The following ZMAT4 variants were observed in gnomAD, a reference collection of about 807,000 sequenced individuals.
The protein encoded by ZMAT4 is zinc finger matrin-type 4, also known as zinc finger matrin-type protein 4.
A neutral mutation model predicts 28.7 loss-of-function variants in ZMAT4; 17 were observed. That is an observed-to-expected ratio of 0.59 (90% confidence interval 0.41 to 0.89). The LOEUF is 0.89. Among genes scored for constraint, ZMAT4 ranks in the 40% least tolerant of loss-of-function variants. The probability of loss-of-function intolerance (pLI) is 0.00; values close to 1 mark genes in which losing one functional copy is unlikely to be tolerated. For missense variants in ZMAT4, 240 were observed against 283.8 expected (o/e 0.85, Z 1.11); for synonymous variants, 117 against 109.2 (o/e 1.07, Z -0.44).
At chr8:40,883,248 C>T (rs752798889) in intron 1 of ZMAT4, among the ~76,000 whole-genome samples, 23 of 152,318 alleles carry the variant, frequency 1.5e-4, no homozygotes, top group Non-Finnish European at 2.1e-4. Flanking sequence ...TGACCTTGGA[C>T]GGTTCTCTTT....
intron 5 of ZMAT4, among the ~76,000 whole-genome samples, chr8:40,597,417 G>A (rs1805142344): frequency 1.3e-5 from 2 of 152,144 alleles, no homozygotes; most frequent in South Asian, 4.1e-4. Flanking sequence ...GGAAAATTGG[G>A]CCTGGGCTTG....
At chr8:40,862,474 G>A (rs1334298367) in intron 1 of ZMAT4, among the ~76,000 whole-genome samples, 5 of 144,220 alleles carry the variant, frequency 3.5e-5, no homozygotes, top group East Asian at 2.2e-4. Context: ...AATGCTAGAC[G>A]ACACGTTAGT....
At chr8:40,856,817 G>A (rs1043857937) in intron 1 of ZMAT4, among the ~76,000 whole-genome samples, 3 of 152,134 alleles carry the variant, frequency 2.0e-5, no homozygotes, top group African/African-American at 4.8e-5. Flanking sequence ...GGGAGATCTG[G>A]TCAGTAGGTG....
At chr8:40,607,223 C>G (rs1307297493) in intron 5 of ZMAT4, among the ~76,000 whole-genome samples, 1 of 146,560 alleles carries the variant, frequency 6.8e-6, no homozygotes, top group Non-Finnish European at 1.5e-5. Context: ...CTCCTGGGTT[C>G]ACGCCATTCT....
Position 40,743,784 on chromosome 8 carries a change from C to T in ZMAT4, c.192+23857G>A, listed in dbSNP as rs34386707. ...GGACTGGGGCACGGGGAAGGAGCGG[C>T]CGATTCTGGAGCCACAGATCATGGT... On this transcript the variant is annotated intron_variant, in intron 3 of 6. Coordinates refer to ENST00000297737, the MANE Select transcript of ZMAT4 (RefSeq NM_024645.3). 9.5e-3 allele frequency among the ~76,000 whole-genome samples: 1,448 copies of T among 152,122 alleles called. 12 individuals carry two copies. The highest frequency in any genetic ancestry group is 0.016 in the Admixed American group (252 of 15,286).
At chr8:40,862,738 G>A (rs1250906310) in intron 1 of ZMAT4, among the ~76,000 whole-genome samples, 25 of 151,124 alleles carry the variant, frequency 1.7e-4, no homozygotes, top group African/African-American at 4.4e-4. Flanking sequence ...ACCAAACACC[G>A]CATGTTCTCA....
At chr8:40,542,282 G>A (rs1279617787) in intron 6 of ZMAT4, among the ~76,000 whole-genome samples, 1 of 152,230 alleles carries the variant, frequency 6.6e-6, no homozygotes, top group Non-Finnish European at 1.5e-5. Flanking sequence ...CTGTACTCAT[G>A]TGTGGGCCAC....
intron 1 of ZMAT4, among the ~76,000 whole-genome samples, chr8:40,847,162 C>A (rs1486844207): frequency 1.3e-5 from 2 of 150,026 alleles, no homozygotes; most frequent in Non-Finnish European, 1.5e-5. Context: ...CAAGATTGTG[C>A]CACTGCACTC....
chr8:40,777,727 A>G lies in ZMAT4; in HGVS notation c.103-9997T>C, dbSNP rs149009279. 4.6e-5 allele frequency among the ~76,000 whole-genome samples: 7 copies of G among 152,314 alleles called. No homozygotes were observed. The East Asian group carries it at 1.4e-3, about 29-fold the overall frequency. On this transcript the variant is annotated intron_variant, in intron 2 of 6. Coordinates refer to ENST00000297737, the MANE Select transcript of ZMAT4 (RefSeq NM_024645.3). ...TTTAGTCTGTGGGAAAAAACAACGG[A>G]CAAGTGTCCCCACCCTTATGTGAAT...
At chr8:40,617,989 C>T (rs1806070751) in intron 5 of ZMAT4, among the ~76,000 whole-genome samples, 1 of 152,142 alleles carries the variant, frequency 6.6e-6, no homozygotes, top group Admixed American at 6.5e-5. Context: ...GATCGGACCA[C>T]TGGAATATTC....
At chr8:40,891,735 C>A (rs553763952) in intron 1 of ZMAT4, among the ~76,000 whole-genome samples, 21 of 152,294 alleles carry the variant, frequency 1.4e-4, no homozygotes, top group Admixed American at 4.6e-4. Flanking sequence ...GCCCAGGATG[C>A]CTTTGTTAGC....
chr8:40,573,014 C>T (rs950856535), intron 6 of ZMAT4, among the ~76,000 whole-genome samples: 1 of 152,094 alleles, frequency 6.6e-6, no homozygotes, highest in Admixed American at 6.6e-5. Context: ...TAACCTATAA[C>T]CTGAAGATAA....
chr8:40,664,816 A>G (rs377605706), intron 5 of ZMAT4, among the ~76,000 whole-genome samples: 1 of 152,194 alleles, frequency 6.6e-6, no homozygotes, highest in South Asian at 2.1e-4. Flanking sequence ...ATTGCTATTG[A>G]TATTTACCTA....
chr8:40,750,221 T>C (rs760334100), intron 3 of ZMAT4, among the ~76,000 whole-genome samples: 2 of 152,118 alleles, frequency 1.3e-5, no homozygotes, highest in Non-Finnish European at 2.9e-5. Flanking sequence ...TATATATATA[T>C]TCTTAATACA....
intron 5 of ZMAT4, among the ~76,000 whole-genome samples, chr8:40,610,691 G>A (rs1231490546): frequency 1.3e-5 from 2 of 151,842 alleles, no homozygotes; most frequent in Non-Finnish European, 2.9e-5. Context: ...ATAGAAATAG[G>A]CATTTGATGT....
In ZMAT4 at chr8:40,801,352, A is replaced by AATATATATATATATATATATATATG. The variant is rs774919666; in HGVS notation, c.102+24222_102+24223insCATATATATATATATATATATATAT. On this transcript the variant is annotated intron_variant, in intron 2 of 6. Coordinates refer to ENST00000297737, the MANE Select transcript of ZMAT4 (RefSeq NM_024645.3). ...GATGATACTTTCTTTAAAAAAAAAA[A>AATATATATATATATATATATATATG]TATATATATATATATATATACATAT... Among the ~76,000 whole-genome samples the AATATATATATATATATATATATATG allele has an allele frequency of 5.5e-3, 395 of 72,076 alleles. 2 individuals are homozygous for AATATATATATATATATATATATATG. Among genetic ancestry groups the AATATATATATATATATATATATATG allele is most frequent in the African/African-American group, 0.018 (385 of 21,724 alleles). The allele number at this position is 72,076 out of a possible 152,430, so 47.3% of individuals were successfully genotyped here.
At position 40,714,005 on chromosome 8, in the gene ZMAT4, A is replaced by G. The variant is rs138008690; in HGVS notation, c.193-16604T>C. 6.3e-3 allele frequency among the ~76,000 whole-genome samples: 952 copies of G among 152,078 alleles called. 14 individuals are homozygous for G. The highest frequency in any genetic ancestry group is 0.022 in the African/African-American group (900 of 41,518). On this transcript the variant is annotated intron_variant, in intron 3 of 6. Coordinates refer to ENST00000297737, the MANE Select transcript of ZMAT4 (RefSeq NM_024645.3). ...TATCCAATTTTAAAAAATATAAAAA[A>G]GATCAATTTTACCAGTGACCTAAGG...
chr8:40,875,361 G>T (rs77005013), intron 1 of ZMAT4, among the ~76,000 whole-genome samples: 1 of 152,180 alleles, frequency 6.6e-6, no homozygotes, highest in East Asian at 1.9e-4. Flanking sequence ...TTTAAGACAA[G>T]CGCATGTTGA....
chr8:40,767,532 T>C, intron 3 of ZMAT4, 109 bp downstream of exon 3: 1 of 842,544 alleles, frequency 1.2e-6, no homozygotes, highest in Non-Finnish European at 1.8e-6. Context: ...CTATTTCTAC[T>C]CACTCAGCTT....
Sources: allele counts gnomAD v4.1 joint callset (sites outside exome capture counted in the v4.1 genomes callset), GRCh38; gene constraint gnomAD v4.1.1; transcripts MANE v1.5; gene names NCBI Gene and HGNC (gene_info 2026-07-23, HGNC 2026-07-21).